The following CFD variants were observed in gnomAD, a reference collection of about 807,000 sequenced individuals.
The protein encoded by CFD is complement factor D.
A neutral mutation model predicts 21.1 loss-of-function variants in CFD; 24 were observed. The observed-to-expected ratio is 1.14, with a 90% CI of 0.82 to 1.60. The LOEUF (loss-of-function observed/expected upper bound fraction) is 1.60, where lower values mean the gene tolerates loss of function less well. CFD is among the 40% of genes most tolerant of loss of function. CFD has a pLI of 0.00. For missense variants in CFD, 535 were observed against 383.3 expected (o/e 1.40, Z -3.31); for synonymous variants, 242 against 175.9 (o/e 1.38, Z -2.97).
At position 860,703 on chromosome 19, in the gene CFD, G is replaced by A. The variant is rs1188815840; in HGVS notation, c.142G>A (p.Ala48Thr). ...CATGGCGTCGGTGCAGCTGAACGGC[G>A]CGCACCTGTGCGGCGGCGTCCTGGT... The part of the protein sequence containing the change: ...PYMASVQLNG[A>T]HLCGGVLVAE... The change falls in exon 2 of 5, where the codon GCG (alanine) becomes ACG (threonine). Residue 48 changes from alanine to threonine, a missense_variant. Coordinates refer to ENST00000327726, the MANE Select transcript of CFD (RefSeq NM_001928.4). The A allele has an allele frequency of 2.6e-6, 4 of 1,555,752 alleles. No homozygotes were observed. Among genetic ancestry groups the A allele is most frequent in the East Asian group, 2.4e-5 (1 of 41,884 alleles).
intron 3 of CFD, among the ~76,000 whole-genome samples, chr19:861,452 C>T (rs1293589540): frequency 3.6e-5 from 5 of 138,826 alleles, no homozygotes; most frequent in African/African-American, 8.1e-5. Context: ...CCCCCCACCC[C>T]CCGCTCCCCC....
At chr19:861,589 C>T in intron 3 of CFD, 110 bp from the exon 4 acceptor site, 7 of 1,342,902 alleles carry the variant, frequency 5.2e-6, no homozygotes, top group Admixed American at 4.0e-5. Flanking sequence ...CTGAGACCCA[C>T]GCCCCTGCCC....
In CFD at chr19:860,667, G is replaced by C. The variant is rs781604476; in HGVS notation, c.106G>C (p.Ala36Pro). 6.6e-7 allele frequency: 1 copy of C among 1,508,920 alleles called. No individual in the cohort carries two copies. Among genetic ancestry groups the C allele is most frequent in the South Asian group, 1.2e-5 (1 of 81,192 alleles). 93.5% of individuals were successfully genotyped at this position (1,508,920 alleles called of 1,614,324 possible). Residue 36 changes from alanine to proline, a missense_variant, in exon 2 of 5, where the codon GCG becomes CCG. By Grantham distance (27) the Ala-to-Pro change is conservative. Coordinates refer to ENST00000327726, the MANE Select transcript of CFD (RefSeq NM_001928.4). The stretch of plus-strand genomic sequence containing the variant: ...GGGCGGCAGAGAGGCCGAGGCGCAC[G>C]CGCGGCCCTACATGGCGTCGGTGCA... ...ILGGREAEAH[A>P]RPYMASVQLN...
In CFD at chr19:863,101, G is replaced by C. The variant is rs1019701292; in HGVS notation, c.625G>C (p.Gly209Arg). The change falls in exon 5 of 5, where the codon GGG becomes CGG. Residue 209 changes from glycine (G) to arginine (R), a missense_variant. By Grantham distance (125) the Gly-to-Arg change is moderately radical. Coordinates refer to ENST00000327726, the MANE Select transcript of CFD (RefSeq NM_001928.4). The stretch of plus-strand genomic sequence containing the variant: ...CGTCCTGTTCCGGCAGGGTGACTCC[G>C]GGGGCCCGCTGGTGTGCGGGGGCGT... ...NRRDSCKGDSGGPLVCGGVLE... is the reference protein window; with the variant it reads ...NRRDSCKGDSRGPLVCGGVLE... 92 of 1,524,550 alleles carry C rather than the reference G, an allele frequency of 6.0e-5. No individual in the cohort carries two copies. The highest frequency in any genetic ancestry group is 7.8e-5 in the Non-Finnish European group (89 of 1,138,004). 94.4% of individuals were successfully genotyped at this position (1,524,550 alleles called of 1,614,324 possible). A position where few individuals can be genotyped will look rare whatever the true frequency, so the allele number is the denominator to read the frequency against.
At position 863,518 on chromosome 19, in the gene CFD, C is replaced by G; in HGVS notation, c.*280C>G. 2 of 500,334 alleles carry G rather than the reference C, an allele frequency of 4.0e-6. No individual in the cohort carries two copies. Among genetic ancestry groups the G allele is most frequent in the South Asian group, 4.2e-5 (2 of 47,334 alleles). The allele number at this position is 500,334 out of a possible 1,614,324, so 31.0% of individuals were successfully genotyped here. On this transcript the variant is annotated 3_prime_UTR_variant, in exon 5 of 5. Transcript: ENST00000327726. ...TCAGGAGGCTGAGGTGGGAGGATGA[C>G]TTGAACGCAGGAGGCTGAGGCTGCA... is the stretch of plus-strand genomic sequence containing the variant.
chr19:862,544 A>G (rs1599302898), intron 4 of CFD, among the ~76,000 whole-genome samples: 1 of 146,050 alleles, frequency 6.8e-6, no homozygotes, highest in African/African-American at 2.6e-5. Context: ...AGGGGCGGGA[A>G]CCTCTGAAGG....
rs991370291 is a variant in CFD, at chr19:863,239, G to C, written c.*1G>C. The C allele has an allele frequency of 1.3e-6, 2 of 1,547,314 alleles. No individual in the cohort carries two copies. The highest frequency in any genetic ancestry group is 1.9e-5 in the Admixed American group (1 of 51,550). ...CTGGATCGACAGCGTCCTGGCCTAG[G>C]GTGCCGGGGCCTGAAGGTCAGGGTC... On this transcript the variant is annotated 3_prime_UTR_variant, in exon 5 of 5. Coordinates refer to ENST00000327726, the MANE Select transcript of CFD (RefSeq NM_001928.4).
rs951813023 is a variant in CFD at position 863,327 on chromosome 19, G to C, written c.*89G>C. ...CTCCTGCATCTGGTTGGTCTTTATT[G>C]AGCACCTACTATATGCAGAAGGGGA... On this transcript the variant is annotated 3_prime_UTR_variant, in exon 5 of 5. Transcript: ENST00000327726. The C allele has an allele frequency of 4.8e-6, 7 of 1,470,022 alleles. No individual in the cohort carries two copies. The highest frequency in any genetic ancestry group is 6.4e-6 in the Non-Finnish European group (7 of 1,087,138). The allele number at this position is 1,470,022 out of a possible 1,614,324, so 91.1% of individuals were successfully genotyped here. A position where few individuals can be genotyped will look rare whatever the true frequency, so the allele number is the denominator to read the frequency against.
At chr19:862,124 G>T (rs2145164579) in intron 4 of CFD, among the ~76,000 whole-genome samples, 168 bp downstream of exon 4, 1 of 147,508 alleles carries the variant, frequency 6.8e-6, no homozygotes, top group Admixed American at 6.7e-5. Context: ...CCCGTGGGCG[G>T]GGCCTGTATG....
chr19:863,488 G>A lies in CFD; in HGVS notation c.*250G>A. The A allele has an allele frequency of 1.8e-6, 1 of 558,470 alleles. No homozygotes were observed. Among genetic ancestry groups the A allele is most frequent in the Middle Eastern group, 4.8e-4 (1 of 2,094 alleles). 34.6% of individuals were successfully genotyped at this position (558,470 alleles called of 1,614,324 possible). On this transcript the variant is annotated 3_prime_UTR_variant, in exon 5 of 5. Coordinates refer to ENST00000327726, the MANE Select transcript of CFD (RefSeq NM_001928.4). ...ATGGAGGTGGGTGCTTGTAGTTCCA[G>A]CTACTCAGGAGGCTGAGGTGGGAGG...
chr19:859,717 C>A lies in CFD; in HGVS notation c.28C>A (p.Leu10Met). The change falls in exon 1 of 5, where the codon CTG becomes ATG. Residue 10 changes from leucine (L) to methionine (M), a missense_variant. Leu to Met is a conservative substitution (Grantham distance 15, BLOSUM62 2). Coordinates refer to ENST00000327726, the MANE Select transcript of CFD (RefSeq NM_001928.4). ...GCACAGCTGGGAGCGCCTGGCAGTT[C>A]TGGTCCTCCTAGGAGCGGCCGCCTG... Reference protein sequence around the residue: MHSWERLAVLVLLGAAACAA... With the variant: MHSWERLAVMVLLGAAACAA... 6.3e-7 allele frequency: 1 copy of A among 1,575,006 alleles called. No individual in the cohort carries two copies.
Position 863,526 on chromosome 19 carries a change from C to A in CFD, c.*288C>A. Reference sequence around the variant, plus strand: ...CTGAGGTGGGAGGATGACTTGAACGCAGGAGGCTGAGGCTGCAGTGAGTTG... The same window carrying A: ...CTGAGGTGGGAGGATGACTTGAACGAAGGAGGCTGAGGCTGCAGTGAGTTG... On this transcript the variant is annotated 3_prime_UTR_variant, in exon 5 of 5. Transcript: ENST00000327726. 2.1e-6 allele frequency: 1 copy of A among 485,182 alleles called. No homozygotes were observed. 30.1% of individuals were successfully genotyped at this position (485,182 alleles called of 1,614,324 possible).
intron 4 of CFD, 76 bp from the exon 5 acceptor site, chr19:863,016 G>A: frequency 2.9e-6 from 4 of 1,381,664 alleles, no homozygotes; most frequent in Non-Finnish European, 3.8e-6. Context: ...GGGAGCGGCA[G>A]CCAGGTGAGG....
chr19:862,047 A>C, intron 4 of CFD, 91 bp downstream of exon 4: 2 of 1,136,092 alleles, frequency 1.8e-6, no homozygotes, highest in Non-Finnish European at 2.3e-6. Context: ...AAGTAGGAAC[A>C]GGGCCCAGGG....
intron 3 of CFD, 73 bp from the exon 4 acceptor site, chr19:861,626 C>G (rs2035795130): frequency 1.3e-6 from 2 of 1,525,004 alleles, no homozygotes; most frequent in Non-Finnish European, 1.8e-6. Context: ...CGTCCCGTCT[C>G]CCCGAGCCTA....
At chr19:863,047 G>A (rs2035830362) in intron 4 of CFD, 45 bp from the exon 5 acceptor site, 3 of 1,479,754 alleles carry the variant, frequency 2.0e-6, no homozygotes, top group South Asian at 1.3e-5. Context: ...CGTGAGGCCG[G>A]GGTGGGCGCG....
intron 3 of CFD, among the ~76,000 whole-genome samples, chr19:861,322 A>C (rs1447069202): frequency 4.6e-3 from 18 of 3,954 alleles, no homozygotes; most frequent in Non-Finnish European, 6.3e-3. Context: ...GAGCCCCCCC[A>C]CCCCCTGCAC....
Position 863,155 on chromosome 19 carries a change from C to A in CFD, c.679C>A (p.Arg227Ser), listed in dbSNP as rs1304289516. ...VLEGVVTSGS[R>S]VCGNRKKPGI... is the part of the protein sequence containing the mutation. ...CGAGGGCGTGGTCACCTCGGGCTCG[C>A]GCGTTTGCGGCAACCGCAAGAAGCC... The change falls in exon 5 of 5, where the codon CGC becomes AGC. Residue 227 changes from arginine (R) to serine (S), a missense_variant. Arg to Ser is a moderately radical substitution (Grantham distance 110). Transcript: ENST00000327726. 1.1e-5 allele frequency: 17 copies of A among 1,535,438 alleles called. No homozygotes were observed. Among genetic ancestry groups the A allele is most frequent in the South Asian group, 2.4e-5 (2 of 84,056 alleles).
At chr19:860,436 C>CA (rs1555711300) in intron 1 of CFD, among the ~76,000 whole-genome samples, 181 bp from the exon 2 acceptor site, 3 of 151,372 alleles carry the variant, frequency 2.0e-5, no homozygotes, top group Non-Finnish European at 4.4e-5. Flanking sequence ...CTGCACCCCC[C>CA]CCTCCCCCCC....
Sources: gnomAD v4.1 joint callset for allele counts (sites outside exome capture counted in the v4.1 genomes callset) on GRCh38, gnomAD v4.1.1 for gene constraint, MANE v1.5 for transcripts, NCBI Gene and HGNC (gene_info 2026-07-23, HGNC 2026-07-21) for gene names.